Variants in DALRD3 observed in about 807,000 individuals in gnomAD.
DALRD3 encodes the protein DALR anticodon binding domain containing 3.
DALRD3 carries 47 observed loss-of-function variants against 56.7 expected under a neutral mutation model. The ratio of observed to expected loss-of-function variants is 0.83; its 90% CI spans 0.66 to 1.06. The LOEUF (loss-of-function observed/expected upper bound fraction) is 1.06. Ranked by LOEUF, DALRD3 falls within the 50% of genes least tolerant of loss-of-function variation. The pLI, the probability that DALRD3 is intolerant of heterozygous loss-of-function variation, is 0.00. For missense variants in DALRD3, 787 were observed against 724.0 expected (o/e 1.09, Z -1.00); for synonymous variants, 347 against 308.5 (o/e 1.12, Z -1.31).
Position 49,016,027 on chromosome 3 carries a change from T to G in DALRD3, c.1389A>C (p.Thr463=), listed in dbSNP as rs2093062871. ...ILPFPDLLSR[T]AVLDCTAPGL... ...CCGGGGCTGTGCAGTCCAGCACTGC[T>G]GTCCGGCTCAGCAGATCCGGAAAGG... Residue 463 remains threonine (T), a synonymous_variant, in exon 10 of 12, where the codon ACA becomes ACC. Coordinates refer to ENST00000341949, the MANE Select transcript of DALRD3 (RefSeq NM_001009996.3). 1 of 1,603,936 alleles carries G rather than the reference T, an allele frequency of 6.2e-7. No individual in the cohort carries two copies. Among genetic ancestry groups the G allele is most frequent in the Non-Finnish European group, 8.5e-7 (1 of 1,172,900 alleles).
Position 49,017,804 on chromosome 3 carries a change from C to G in DALRD3, c.527G>C (p.Arg176Pro). The G allele has an allele frequency of 6.2e-7, 1 of 1,612,928 alleles. No individual in the cohort carries two copies. The highest frequency in any genetic ancestry group is 1.3e-5 in the African/African-American group (1 of 75,054). The change falls in exon 3 of 12, where the codon CGG becomes CCG. Residue 176 changes from arginine (R) to proline (P), a missense_variant. By Grantham distance (103) the Arg-to-Pro change is moderately radical (BLOSUM62 -2). Coordinates refer to ENST00000341949, the MANE Select transcript of DALRD3 (RefSeq NM_001009996.3). The stretch of plus-strand genomic sequence containing the variant: ...CTCCGAGGCAGCGGGCCAGTCCACC[C>G]GCAGTTGCTGCAGGAAGGTCAGCAT... ...PHMLTFLQQL[R>P]VDWPAASERA...
Position 49,017,440 on chromosome 3 carries a change from T to C in DALRD3, c.792A>G (p.Pro264=), listed in dbSNP as rs1474732895. 1 of 1,614,116 alleles carries C rather than the reference T, an allele frequency of 6.2e-7. No homozygotes were observed. The highest frequency in any genetic ancestry group is 8.5e-7 in the Non-Finnish European group (1 of 1,180,032). The part of the protein sequence containing the change: ...ALWHWPEDSH[P]GLAGASDTGT... ...AGGGCTGGGAGTCACTAACCAGGCC[T>C]GGGTGGCTGTCCTCGGGCCAATGCC... Residue 264 remains proline (P), a synonymous_variant, in exon 4 of 12, where the codon CCA becomes CCG. Transcript: ENST00000341949.
intron 8 of DALRD3, 41 bp downstream of exon 8, chr3:49,016,388 C>T (rs1331415162): frequency 1.9e-6 from 3 of 1,605,784 alleles, no homozygotes; most frequent in Non-Finnish European, 1.7e-6. Context: ...GCCACCACAC[C>T]CTGTGCCCCA....
chr3:49,018,278 C>T lies in DALRD3; in HGVS notation c.206G>A (p.Gly69Asp), dbSNP rs1311594714. 1.4e-6 allele frequency: 2 copies of T among 1,447,370 alleles called. No homozygotes were observed. Among genetic ancestry groups the T allele is most frequent in the South Asian group, 1.5e-5 (1 of 68,510 alleles). The allele number at this position is 1,447,370 out of a possible 1,614,324, so 89.7% of individuals were successfully genotyped here. The change falls in exon 2 of 12, where the codon GGC becomes GAC. Residue 69 changes from glycine to aspartate, a missense_variant. By Grantham distance (94) the Gly-to-Asp change is moderately conservative. Coordinates refer to ENST00000341949, the MANE Select transcript of DALRD3 (RefSeq NM_001009996.3). ...GCGCAGCACCGGGGCCACACCGGGG[C>T]CCTGCAGGCAGGCGAGGGCATGGAG... ...HLLHALACLQ[G>D]PGVAPVLRCA... is the part of the protein sequence containing the mutation.
intron 1 of DALRD3, 28 bp downstream of exon 1, chr3:49,018,372 C>A (rs2093116917): frequency 6.5e-7 from 1 of 1,531,392 alleles, no homozygotes; most frequent in African/African-American, 1.4e-5. Flanking sequence ...ATCTCCCGGC[C>A]GCACGGCCCC....
Position 49,018,440 on chromosome 3 carries a change from G to T in DALRD3, c.125C>A (p.Ala42Glu). The change falls in exon 1 of 12, where the codon GCA (alanine) becomes GAA (glutamate). Residue 42 changes from alanine (A) to glutamate (E), a missense_variant. By Grantham distance (107) the Ala-to-Glu change is moderately radical. Coordinates refer to ENST00000341949, the MANE Select transcript of DALRD3 (RefSeq NM_001009996.3). Reference sequence around the variant, plus strand: ...GCGCGCCTGCAGCGCGCGGTGCGGTGCCAGAAAGTCTCGGGAACGCAGGTG... The same window carrying T: ...GCGCGCCTGCAGCGCGCGGTGCGGTTCCAGAAAGTCTCGGGAACGCAGGTG... ...TRHLRSRDFL[A>E]PHRALQARFD... 6.3e-7 allele frequency: 1 copy of T among 1,587,250 alleles called. No individual in the cohort carries two copies. The highest frequency in any genetic ancestry group is 1.8e-5 in the Admixed American group (1 of 56,836).
In DALRD3 at chr3:49,017,848, T is replaced by G. The variant is rs2093107363; in HGVS notation, c.483A>C (p.Pro161=). 1 of 1,604,730 alleles carries G rather than the reference T, an allele frequency of 6.2e-7. No homozygotes were observed. Among genetic ancestry groups the G allele is most frequent in the African/African-American group, 1.3e-5 (1 of 75,010 alleles). ...RAHGVCVRLV[P]AVRDPHMLTF... ...TCAGCATGTGCGGATCCCGCACAGC[T>G]GGCACTAGGCGCACGCACACCCTGC... The change falls in exon 3 of 12, where the codon CCA becomes CCC. Residue 161 remains proline, a synonymous_variant. Coordinates refer to ENST00000341949, the MANE Select transcript of DALRD3 (RefSeq NM_001009996.3).
At chr3:49,019,719 C>T (rs1484340759), upstream of DALRD3, among the ~76,000 whole-genome samples, 1 of 152,148 alleles carries the variant, frequency 6.6e-6, no homozygotes, top group Non-Finnish European at 1.5e-5. Flanking sequence ...AGGTGATCCG[C>T]CTGCCTCGGC....
upstream of DALRD3, chr3:49,018,616 T>G (rs2093123235): frequency 6.7e-7 from 1 of 1,494,314 alleles, no homozygotes; most frequent in African/African-American, 1.4e-5. Context: ...GAGGTGGAAC[T>G]TCCGGAAAGG....
upstream of DALRD3, chr3:49,018,755 G>A (rs1381585246): frequency 7.1e-6 from 7 of 985,324 alleles, no homozygotes; most frequent in Non-Finnish European, 8.4e-6. Flanking sequence ...CTGCACAGCC[G>A]GGCCCCGGAT....
Position 49,017,755 on chromosome 3 carries a change from C to T in DALRD3, c.576G>A (p.Arg192=). Residue 192 remains arginine (R), a synonymous_variant, in exon 3 of 12, where the codon AGG becomes AGA. Coordinates refer to ENST00000341949, the MANE Select transcript of DALRD3 (RefSeq NM_001009996.3). The part of the protein sequence containing the change: ...ASERASSHTL[R]SHALEELTSA... ...AGGTAAGTTCTTCAAGGGCGTGGCT[C>T]CTCAGGGTGTGGGAGGAAGCTCTCT... 6.2e-7 allele frequency: 1 copy of T among 1,613,810 alleles called. No homozygotes were observed. Among genetic ancestry groups the T allele is most frequent in the Non-Finnish European group, 8.5e-7 (1 of 1,179,992 alleles).
Position 49,016,000 on chromosome 3 carries a change from C to A in DALRD3, c.1416G>T (p.Gly472=), listed in dbSNP as rs1219858039. The A allele has an allele frequency of 6.2e-7, 1 of 1,611,256 alleles. No homozygotes were observed. The highest frequency in any genetic ancestry group is 2.2e-5 in the East Asian group (1 of 44,850). ...TCTCTGTGCGTACAGCAATGTGGAG[C>A]CCCGGGGCTGTGCAGTCCAGCACTG... ...RTAVLDCTAP[G]LHIAVRTEMI... Residue 472 remains glycine (G), a synonymous_variant, in exon 10 of 12, where the codon GGG becomes GGT. Coordinates refer to ENST00000341949, the MANE Select transcript of DALRD3 (RefSeq NM_001009996.3).
chr3:49,018,592 GA>G (rs200075398), upstream of DALRD3: 319 of 1,519,218 alleles, frequency 2.1e-4, 1 homozygote, highest in South Asian at 2.6e-3. Flanking sequence ...AGCGGAACCG[GA>G]AAAAAATTTA....
chr3:49,020,599 C>G (rs1359258046), upstream of DALRD3: 1 of 479,890 alleles, frequency 2.1e-6, no homozygotes, highest in Non-Finnish European at 4.3e-6. Flanking sequence ...GGCACCCCAT[C>G]TGGGCCAGGG....
chr3:49,018,653 C>T, upstream of DALRD3: 5 of 1,441,532 alleles, frequency 3.5e-6, no homozygotes, highest in Non-Finnish European at 3.6e-6. Context: ...GGGGATGCGG[C>T]GGTGGTCCCC....
rs779325142 is a variant in DALRD3 at position 49,018,503 on chromosome 3, G to A, written c.62C>T (p.Pro21Leu). 1.9e-6 allele frequency: 3 copies of A among 1,584,944 alleles called. No homozygotes were observed. Among genetic ancestry groups the A allele is most frequent in the Admixed American group, 1.8e-5 (1 of 56,866 alleles). ...CTCCTTGATCCACACCGGACCGCCT[G>A]GCCCCAGGGCCGCGTTGAGGGCCCC... is the stretch of plus-strand genomic sequence containing the variant. ...TLGALNAALG[P>L]GGPVWIKETR... Residue 21 changes from proline (P) to leucine (L), a missense_variant, in exon 1 of 12, where the codon CCA (proline) becomes CTA (leucine). Pro to Leu is a moderately conservative substitution (Grantham distance 98). Transcript: ENST00000341949.
intron 7 of DALRD3, 26 bp from the exon 8 acceptor site, chr3:49,016,537 C>T (rs1017029392): frequency 6.2e-7 from 1 of 1,609,452 alleles, no homozygotes; most frequent in Non-Finnish European, 8.5e-7. Context: ...GTTGGTCAGT[C>T]AGTCTGCAGG....
At position 49,018,547 on chromosome 3, in the gene DALRD3, A is replaced by T. The variant is rs1389729836; in HGVS notation, c.18T>A (p.Leu6=). 6.3e-7 allele frequency: 1 copy of T among 1,577,802 alleles called. No individual in the cohort carries two copies. Among genetic ancestry groups the T allele is most frequent in the Non-Finnish European group, 8.6e-7 (1 of 1,163,068 alleles). Residue 6 remains leucine (L), a synonymous_variant, in exon 1 of 12, where the codon CTT becomes CTA. Transcript: ENST00000341949. MATRR[L]GVGETLGALN... ...GGGCCCCCAGCGTCTCCCCGACCCC[A>T]AGGCGCCTGGTCGCCATGGTGACCG...
In DALRD3 at chr3:49,018,541, G is replaced by T. The variant is rs1399732977; in HGVS notation, c.24C>A (p.Val8=). 1.3e-6 allele frequency: 2 copies of T among 1,580,186 alleles called. No individual in the cohort carries two copies. The change falls in exon 1 of 12, where the codon GTC becomes GTA. Residue 8 remains valine, a synonymous_variant. Coordinates refer to ENST00000341949, the MANE Select transcript of DALRD3 (RefSeq NM_001009996.3). The part of the protein sequence containing the change: MATRRLG[V]GETLGALNAA... ...CGTTGAGGGCCCCCAGCGTCTCCCC[G>T]ACCCCAAGGCGCCTGGTCGCCATGG...
Sources: allele counts gnomAD v4.1 joint callset (sites outside exome capture counted in the v4.1 genomes callset), GRCh38; gene constraint gnomAD v4.1.1; transcripts MANE v1.5; gene names NCBI Gene and HGNC (gene_info 2026-07-23, HGNC 2026-07-21).